The following MRC1 variants were observed in gnomAD, a reference collection of about 807,000 sequenced individuals.
MRC1 encodes the protein mannose receptor C-type 1.
Under a neutral mutation model 102.9 loss-of-function variants are expected in MRC1, and 62 were observed. The observed-to-expected ratio is 0.60, with a 90% CI of 0.49 to 0.74. The LOEUF is 0.74. Among genes scored for constraint, MRC1 ranks in the 30% least tolerant of loss-of-function variants. MRC1 has a pLI of 0.00. For missense variants in MRC1, 1,237 were observed against 862.8 expected (o/e 1.43, Z -5.43); for synonymous variants, 457 against 298.4 (o/e 1.53, Z -5.48).
Position 17,819,769 on chromosome 10 carries a change from C to G in MRC1, c.62-3305C>G, listed in dbSNP as rs1838368190. Among the ~76,000 whole-genome samples the G allele has an allele frequency of 2.6e-5, 4 of 151,924 alleles. No homozygotes were observed. The South Asian group carries it at 8.3e-4, about 32-fold the overall frequency. The stretch of plus-strand genomic sequence containing the variant: ...ACCAACCTAGGCAACAAAGTGACAC[C>G]CCTGTCTCCAGTAAAAATAAAAAAT... On this transcript the variant is annotated intron_variant, in intron 1 of 29. Transcript: ENST00000569591.
Position 17,900,781 on chromosome 10 carries a change from G to A in MRC1, c.3484-7G>A, listed in dbSNP as rs1421125416. 5.6e-5 allele frequency: 44 copies of A among 780,508 alleles called. No homozygotes were observed. The highest frequency in any genetic ancestry group is 1.3e-4 in the South Asian group (10 of 74,600). 48.3% of individuals were successfully genotyped at this position (780,508 alleles called of 1,614,324 possible). A position where few individuals can be genotyped will look rare whatever the true frequency, so the allele number is the denominator to read the frequency against. ...CTGCATGTTAATGCTTGTTTTTGTC[G>A]TTGCAGACTGATAATCAATACACTT... On this transcript the variant is annotated splice_polypyrimidine_tract_variant and splice_region_variant and intron_variant, in intron 24 of 29. Transcript: ENST00000569591.
chr10:17,851,799 C>T (rs966445429), intron 7 of MRC1, among the ~76,000 whole-genome samples: 2 of 152,208 alleles, frequency 1.3e-5, no homozygotes, highest in African/African-American at 2.4e-5. Context: ...TCATTCTCCA[C>T]GGCACTGGAA....
chr10:17,812,417 C>G (rs1838237820), intron 1 of MRC1, among the ~76,000 whole-genome samples: 1 of 152,022 alleles, frequency 6.6e-6, no homozygotes, highest in Non-Finnish European at 1.5e-5. Context: ...CTACTGGTTC[C>G]AAGAAGGAAA....
intron 17 of MRC1, 93 bp from the exon 18 acceptor site, chr10:17,877,807 G>A (rs1192676367): frequency 2.0e-5 from 17 of 845,958 alleles, no homozygotes; most frequent in African/African-American, 6.6e-5. Flanking sequence ...ATAAGGTTTC[G>A]ATTAGGCTGC....
intron 1 of MRC1, among the ~76,000 whole-genome samples, chr10:17,817,986 G>A (rs994312325): frequency 6.4e-4 from 97 of 152,134 alleles, no homozygotes; most frequent in Non-Finnish European, 1.2e-3. Flanking sequence ...TATCACCATA[G>A]AGCAATAATT....
chr10:17,836,699 G>A (rs993377621), intron 4 of MRC1, among the ~76,000 whole-genome samples: 34 of 152,140 alleles, frequency 2.2e-4, no homozygotes, highest in Admixed American at 1.6e-3. Flanking sequence ...AGCTGGGCAC[G>A]GTGGCAGGCT....
intron 16 of MRC1, among the ~76,000 whole-genome samples, 184 bp from the exon 17 acceptor site, chr10:17,874,906 T>C (rs1833408137): frequency 6.6e-6 from 1 of 152,152 alleles, no homozygotes; most frequent in African/African-American, 2.4e-5. Context: ...TGGTAGAAAG[T>C]GGATATTTGG....
chr10:17,812,770 A>G (rs1177176646), intron 1 of MRC1, among the ~76,000 whole-genome samples: 4 of 151,770 alleles, frequency 2.6e-5, no homozygotes, highest in South Asian at 2.1e-4. Flanking sequence ...ATGGGGTTTC[A>G]CCATGTTGGC....
chr10:17,897,423 G>A (rs1589195286), intron 23 of MRC1, among the ~76,000 whole-genome samples: 1 of 152,096 alleles, frequency 6.6e-6, no homozygotes, highest in Non-Finnish European at 1.5e-5. Context: ...TAAGATTATG[G>A]GAGGCTTTAC....
intron 6 of MRC1, among the ~76,000 whole-genome samples, chr10:17,847,464 T>A (rs1295609506): frequency 3.3e-5 from 5 of 152,232 alleles, no homozygotes; most frequent in African/African-American, 4.8e-5. Context: ...CTATACTCCC[T>A]GGATTAATGA....
intron 11 of MRC1, among the ~76,000 whole-genome samples, chr10:17,864,528 T>A (rs1833232965): frequency 6.6e-6 from 1 of 152,060 alleles, no homozygotes. Context: ...CTTCAGTATC[T>A]TCATTTAAAA....
chr10:17,901,905 A>T, intron 25 of MRC1, 68 bp from the exon 26 acceptor site: 4 of 780,128 alleles, frequency 5.1e-6, no homozygotes, highest in South Asian at 4.0e-5. Context: ...TGTAGCTGCT[A>T]ATGTATGATG....
At chr10:17,832,512 A>G (rs950490876) in intron 3 of MRC1, among the ~76,000 whole-genome samples, 2,644 of 147,380 alleles carry the variant, frequency 0.018, 137 homozygotes, top group African/African-American at 0.063. Context: ...CCGAGATTGC[A>G]CCACTGCACT....
At chr10:17,814,508 T>A (rs565254431) in intron 1 of MRC1, among the ~76,000 whole-genome samples, 2 of 152,156 alleles carry the variant, frequency 1.3e-5, no homozygotes, top group East Asian at 1.9e-4. Context: ...ATTTTACAGA[T>A]GAGGAAGTAG....
chr10:17,835,338 T>A (rs1404518081), intron 4 of MRC1, among the ~76,000 whole-genome samples: 1 of 152,250 alleles, frequency 6.6e-6, no homozygotes, highest in Non-Finnish European at 1.5e-5. Context: ...ATTTACTTAT[T>A]CATTCATTCC....
At chr10:17,830,792 T>C (rs547593586) in intron 3 of MRC1, among the ~76,000 whole-genome samples, 17,517 of 151,296 alleles carry the variant, frequency 0.12, 1,349 homozygotes, top group East Asian at 0.18. Flanking sequence ...AAAGGTCAAT[T>C]GCATTTCCTT....
chr10:17,909,249 TG>T, intron 28 of MRC1, 56 bp from the exon 29 acceptor site: 1 of 794,328 alleles, frequency 1.3e-6, no homozygotes, highest in South Asian at 1.4e-5. Context: ...AAATAATATT[TG>T]CTATCTACCT....
intron 23 of MRC1, among the ~76,000 whole-genome samples, chr10:17,897,343 T>C (rs1419251124): frequency 6.6e-6 from 1 of 152,234 alleles, no homozygotes; most frequent in South Asian, 2.1e-4. Flanking sequence ...TGCTAGGAGC[T>C]TGAGGACAAA....
chr10:17,893,421 T>G (rs1412916356), intron 22 of MRC1, among the ~76,000 whole-genome samples: 1 of 152,142 alleles, frequency 6.6e-6, no homozygotes, highest in Admixed American at 6.6e-5. Flanking sequence ...CCTCTCAAAG[T>G]GCTGGGATTA....
Sources: gnomAD v4.1 joint callset for allele counts (sites outside exome capture counted in the v4.1 genomes callset) on GRCh38, gnomAD v4.1.1 for gene constraint, MANE v1.5 for transcripts, NCBI Gene and HGNC (gene_info 2026-07-23, HGNC 2026-07-21) for gene names.